GULP1: variants seen among roughly 807,000 people sequenced by gnomAD.
GULP1 encodes the protein PTB domain-containing engulfment adapter protein 1.
A neutral mutation model predicts 40.9 loss-of-function variants in GULP1; 19 were observed. The ratio of observed to expected loss-of-function variants is 0.46; its 90% CI spans 0.32 to 0.68. GULP1 has a LOEUF of 0.68. Among genes scored for constraint, GULP1 ranks in the 30% least tolerant of loss-of-function variants. The pLI is 0.03. For synonymous variants in GULP1, 119 were observed against 117.6 expected, an observed-to-expected ratio of 1.01 and a Z score of -0.08; for missense variants, 312 against 362.2, an observed-to-expected ratio of 0.86 and a Z score of 1.12.
At chr2:188,571,673 A>T (rs1699066845) in intron 9 of GULP1, among the ~76,000 whole-genome samples, 1 of 152,176 alleles carries the variant, frequency 6.6e-6, no homozygotes, top group Non-Finnish European at 1.5e-5. Flanking sequence ...GTTCAAACTC[A>T]TTATTCAACC....
intron 2 of GULP1, among the ~76,000 whole-genome samples, chr2:188,454,933 G>A (rs2059137719): frequency 6.6e-6 from 1 of 151,896 alleles, no homozygotes; most frequent in Non-Finnish European, 1.5e-5. Flanking sequence ...ATCCGGCCTG[G>A]GAAACATAGT....
chr2:188,498,300 A>G (rs1407195492), intron 4 of GULP1, among the ~76,000 whole-genome samples: 1 of 151,926 alleles, frequency 6.6e-6, no homozygotes, highest in African/African-American at 2.4e-5. Context: ...TGGGTGACAG[A>G]CTTGAACCTG....
At chr2:188,319,446 T>C (rs1292570035) in intron 1 of GULP1, among the ~76,000 whole-genome samples, 1 of 152,186 alleles carries the variant, frequency 6.6e-6, no homozygotes, top group African/African-American at 2.4e-5. Flanking sequence ...GTGTATATTC[T>C]TTTAACTTGG....
intron 1 of GULP1, among the ~76,000 whole-genome samples, chr2:188,333,884 A>T (rs982711560): frequency 1.3e-5 from 2 of 152,046 alleles, no homozygotes; most frequent in Non-Finnish European, 2.9e-5. Flanking sequence ...CTTAGACCCA[A>T]CTAGCCACCC....
At chr2:188,352,649 C>CAT (rs374718200) in intron 1 of GULP1, among the ~76,000 whole-genome samples, 13 of 146,114 alleles carry the variant, frequency 8.9e-5, no homozygotes, top group Non-Finnish European at 1.7e-4. Flanking sequence ...CACACACACA[C>CAT]GGTTCTGTTT....
chr2:188,456,268 G>A (rs1362169940), intron 2 of GULP1, among the ~76,000 whole-genome samples: 2 of 152,268 alleles, frequency 1.3e-5, no homozygotes, highest in Non-Finnish European at 2.9e-5. Context: ...AATGTCTCCA[G>A]GGCATGTCAG....
At chr2:188,491,024 C>T (rs530199502) in intron 4 of GULP1, among the ~76,000 whole-genome samples, 3 of 151,972 alleles carry the variant, frequency 2.0e-5, no homozygotes, top group Admixed American at 6.6e-5. Flanking sequence ...TCTTGAACTC[C>T]TGAGCTCAAG....
chr2:188,508,716 A>C (rs2064184582), intron 4 of GULP1, among the ~76,000 whole-genome samples: 1 of 152,144 alleles, frequency 6.6e-6, no homozygotes, highest in East Asian at 1.9e-4. Context: ...AATAAGAAAA[A>C]AAATGGCCCT....
intron 1 of GULP1, among the ~76,000 whole-genome samples, chr2:188,327,480 C>T (rs1004845735): frequency 6.6e-6 from 1 of 152,126 alleles, no homozygotes; most frequent in African/African-American, 2.4e-5. Context: ...GATGACAAAA[C>T]TGTCAGTGAC....
chr2:188,390,007 G>A (rs747030878), intron 2 of GULP1, among the ~76,000 whole-genome samples: 1 of 150,620 alleles, frequency 6.6e-6, no homozygotes, highest in East Asian at 2.0e-4. Context: ...CATATAGCAC[G>A]TTTTCTTTAC....
chr2:188,477,674 A>G lies in GULP1; in HGVS notation c.-29A>G. On this transcript the variant is annotated 5_prime_UTR_variant, in exon 3 of 12. Coordinates refer to ENST00000409830, the MANE Select transcript of GULP1 (RefSeq NM_016315.4). ...ACTTTTACAGGATTTAAGTCGTGGA[A>G]CTGAACATTTATTTGGCTGATCCTC... The G allele has an allele frequency of 6.3e-7, 1 of 1,578,944 alleles. No individual in the cohort carries two copies. The highest frequency in any genetic ancestry group is 8.6e-7 in the Non-Finnish European group (1 of 1,159,322).
chr2:188,557,872 C>T (rs1318103439), intron 7 of GULP1, among the ~76,000 whole-genome samples: 4 of 152,208 alleles, frequency 2.6e-5, no homozygotes, highest in African/African-American at 9.6e-5. Flanking sequence ...TGTGCTGTAC[C>T]TGGGCCTCTT....
intron 4 of GULP1, 102 bp from the exon 5 acceptor site, chr2:188,522,654 G>A: frequency 1.9e-6 from 1 of 519,494 alleles, no homozygotes; most frequent in South Asian, 3.6e-5. Context: ...ATATGAGTTT[G>A]CATTACTATT....
At chr2:188,404,942 C>T (rs991709431) in intron 2 of GULP1, among the ~76,000 whole-genome samples, 1 of 152,164 alleles carries the variant, frequency 6.6e-6, no homozygotes, top group Non-Finnish European at 1.5e-5. Context: ...TCTAAGCCTG[C>T]CTGGTGCCAG....
chr2:188,550,492 ATAATT>A (rs55778049), intron 7 of GULP1, among the ~76,000 whole-genome samples: 82,397 of 150,760 alleles, frequency 0.55, 23,251 homozygotes, highest in East Asian at 0.9. Flanking sequence ...TGCTTTTAAT[ATAATT>A]TAAAGAGTAG....
At chr2:188,461,517 C>G (rs142027772) in intron 2 of GULP1, among the ~76,000 whole-genome samples, 2 of 151,874 alleles carry the variant, frequency 1.3e-5, no homozygotes, top group East Asian at 3.9e-4. Context: ...ATGGGTCAGG[C>G]TGGACTCAAA....
At chr2:188,531,579 C>T (rs899137491) in intron 6 of GULP1, among the ~76,000 whole-genome samples, 4 of 152,150 alleles carry the variant, frequency 2.6e-5, no homozygotes, top group African/African-American at 7.2e-5. Flanking sequence ...ACTTTAGTTA[C>T]GGCGATTCTA....
chr2:188,561,052 G>A (rs1332127899), intron 7 of GULP1, among the ~76,000 whole-genome samples: 1 of 152,244 alleles, frequency 6.6e-6, no homozygotes, highest in African/African-American at 2.4e-5. Flanking sequence ...CAGCATTAGT[G>A]AGATCTGCCA....
intron 1 of GULP1, among the ~76,000 whole-genome samples, chr2:188,340,458 A>G (rs944245661): frequency 6.6e-6 from 1 of 152,106 alleles, no homozygotes; most frequent in Admixed American, 6.5e-5. Flanking sequence ...AGTTGGGGCA[A>G]GTGCTTCTGG....
Sources: gnomAD v4.1 joint callset for allele counts (sites outside exome capture counted in the v4.1 genomes callset) on GRCh38, gnomAD v4.1.1 for gene constraint, MANE v1.5 for transcripts, NCBI Gene and HGNC (gene_info 2026-07-23, HGNC 2026-07-21) for gene names.